ZNF407: variants seen among roughly 807,000 people sequenced by gnomAD.
ZNF407 encodes zinc finger protein 407.
ZNF407 carries 17 observed loss-of-function variants against 131.2 expected under a neutral mutation model. The observed-to-expected ratio is 0.13, with a 90% confidence interval of 0.09 to 0.19. The LOEUF (loss-of-function observed/expected upper bound fraction) is 0.19. Ranked by LOEUF, ZNF407 falls within the 10% of genes least tolerant of loss-of-function variation. The pLI is 1.00. For synonymous variants in ZNF407, 1,156 were observed against 1,062.0 expected (o/e 1.09, Z -1.72); for missense variants, 2,681 against 2,830.6 (o/e 0.95, Z 1.20).
At chr18:74,693,921 G>T (rs1001050526) in intron 3 of ZNF407, among the ~76,000 whole-genome samples, 2 of 151,922 alleles carry the variant, frequency 1.3e-5, no homozygotes, top group African/African-American at 4.8e-5. Context: ...TGCTCATTTT[G>T]TTATCTTTCA....
chr18:74,646,776 G>T (rs1337920425), intron 3 of ZNF407, among the ~76,000 whole-genome samples: 4 of 152,184 alleles, frequency 2.6e-5, no homozygotes. Flanking sequence ...CCAGTGAACT[G>T]TTTGGTGAAG....
chr18:74,902,780 A>G (rs1401498232), intron 7 of ZNF407, among the ~76,000 whole-genome samples: 1 of 152,222 alleles, frequency 6.6e-6, no homozygotes, highest in Non-Finnish European at 1.5e-5. Flanking sequence ...ATAGAGTTAA[A>G]GCTAGAAAAC....
chr18:75,034,149 G>A (rs1182631649), intron 8 of ZNF407, among the ~76,000 whole-genome samples: 1 of 152,146 alleles, frequency 6.6e-6, no homozygotes, highest in Non-Finnish European at 1.5e-5. Flanking sequence ...TACACACTGT[G>A]AAAGCATATG....
chr18:74,983,871 C>T (rs1010385527), intron 8 of ZNF407, among the ~76,000 whole-genome samples: 9 of 152,286 alleles, frequency 5.9e-5, no homozygotes, highest in African/African-American at 2.2e-4. Flanking sequence ...GTTAGCCTGG[C>T]ACCGAGCAGC....
chr18:74,919,873 C>A (rs964639614), intron 7 of ZNF407, among the ~76,000 whole-genome samples: 3 of 152,148 alleles, frequency 2.0e-5, no homozygotes, highest in Non-Finnish European at 2.9e-5. Context: ...GGAGAGGAGC[C>A]CACCCCTGAT....
intron 8 of ZNF407, among the ~76,000 whole-genome samples, chr18:75,015,167 T>C (rs1973028292): frequency 6.6e-6 from 1 of 152,102 alleles, no homozygotes; most frequent in Non-Finnish European, 1.5e-5. Context: ...GAAGAAATGC[T>C]GAAGAATAGA....
At chr18:75,016,460 T>G (rs1973045451) in intron 8 of ZNF407, among the ~76,000 whole-genome samples, 1 of 151,920 alleles carries the variant, frequency 6.6e-6, no homozygotes, top group Non-Finnish European at 1.5e-5. Context: ...ATGAGCGTAT[T>G]ATAAGGTACA....
intron 8 of ZNF407, among the ~76,000 whole-genome samples, chr18:74,966,469 A>G (rs985421566): frequency 6.6e-6 from 1 of 152,126 alleles, no homozygotes; most frequent in African/African-American, 2.4e-5. Context: ...AAATGGGTTC[A>G]CCGTAGGTAT....
At chr18:74,789,757 G>A (rs1969790524) in intron 4 of ZNF407, among the ~76,000 whole-genome samples, 1 of 151,750 alleles carries the variant, frequency 6.6e-6, no homozygotes, top group African/African-American at 2.4e-5. Context: ...CACTAATTTA[G>A]TTTCTTTCTG....
chr18:74,875,356 A>G (rs1037280177), intron 4 of ZNF407, among the ~76,000 whole-genome samples: 10 of 152,224 alleles, frequency 6.6e-5, no homozygotes, highest in Non-Finnish European at 1.5e-5. Flanking sequence ...ACATAGGAAT[A>G]ATAGAGTACA....
At chr18:74,942,227 T>C (rs953325909) in intron 8 of ZNF407, among the ~76,000 whole-genome samples, 2 of 152,216 alleles carry the variant, frequency 1.3e-5, no homozygotes, top group Non-Finnish European at 2.9e-5. Flanking sequence ...GAAAGTGGCT[T>C]TTGAAGCTGT....
intron 4 of ZNF407, among the ~76,000 whole-genome samples, chr18:74,821,020 G>A (rs1970332828): frequency 6.6e-6 from 1 of 152,194 alleles, no homozygotes; most frequent in African/African-American, 2.4e-5. Context: ...CTCAACCCCT[G>A]ATTTCTTCAG....
intron 3 of ZNF407, among the ~76,000 whole-genome samples, chr18:74,755,728 CCTTTCTTTCTTTCTTT>C (rs765042437): frequency 3.3e-4 from 21 of 63,480 alleles, no homozygotes; most frequent in African/African-American, 1.1e-3. Context: ...TTCTTTCTTT[CCTTTCTTTCTTTCTTT>C]CTTTCTTTCT....
At chr18:74,935,241 T>C (rs1338636482) in intron 8 of ZNF407, among the ~76,000 whole-genome samples, 1 of 152,220 alleles carries the variant, frequency 6.6e-6, no homozygotes, top group Non-Finnish European at 1.5e-5. Context: ...CATCTAAAGC[T>C]TTATTATTTT....
intron 7 of ZNF407, among the ~76,000 whole-genome samples, chr18:74,891,953 A>G (rs1971390714): frequency 6.6e-6 from 1 of 152,000 alleles, no homozygotes; most frequent in Admixed American, 6.6e-5. Flanking sequence ...TTTCCATGTC[A>G]ATAATTATTC....
intron 8 of ZNF407, among the ~76,000 whole-genome samples, chr18:75,029,538 G>T (rs1973213132): frequency 6.6e-6 from 1 of 151,614 alleles, no homozygotes; most frequent in African/African-American, 2.4e-5. Flanking sequence ...TGGGATGCGG[G>T]AGCACGCTCA....
chr18:74,772,054 C>G (rs1299373027), intron 3 of ZNF407, among the ~76,000 whole-genome samples: 2 of 152,114 alleles, frequency 1.3e-5, no homozygotes, highest in African/African-American at 4.8e-5. Flanking sequence ...GGTGGAGAGA[C>G]TTCTGTATAA....
At chr18:74,616,907 ACATCCATAT>A (rs1983319500) in intron 1 of ZNF407, among the ~76,000 whole-genome samples, 2,207 of 150,772 alleles carry the variant, frequency 0.015, 37 homozygotes, top group Non-Finnish European at 0.018. Context: ...ATATCCACAC[ACATCCATAT>A]CCACGCACCA....
In ZNF407 at chr18:74,632,455, A is replaced by T; in HGVS notation, c.1436A>T (p.His479Leu). 5 of 1,614,024 alleles carry T rather than the reference A, an allele frequency of 3.1e-6. No individual in the cohort carries two copies. Among genetic ancestry groups the T allele is most frequent in the Non-Finnish European group, 4.2e-6 (5 of 1,179,898 alleles). Residue 479 changes from histidine to leucine, a missense_variant, in exon 2 of 9, where the codon CAC becomes CTC. Physicochemically the swap from His to Leu is moderately conservative, Grantham distance 99. Around this residue, in one of 6 missense-constraint regions of ZNF407, gnomAD observed 1,789 missense variants for 1,748.7 expected, o/e 1.02. Transcript: ENST00000299687. ...KTHDAESVLK[H>L]LEACSSVQRV... ...CACGATGCAGAATCAGTGCTGAAAC[A>T]CCTGGAAGCGTGCAGCAGTGTGCAG... is the stretch of plus-strand genomic sequence containing the variant.
Sources: gnomAD v4.1 joint callset for allele counts (sites outside exome capture counted in the v4.1 genomes callset) on GRCh38, gnomAD v4.1.1 for gene constraint, gnomAD v4.1.1 regional missense constraint, MANE v1.5 for transcripts, NCBI Gene and HGNC (gene_info 2026-07-23, HGNC 2026-07-21) for gene names.